CEP350: variants seen among roughly 807,000 people sequenced by gnomAD.
CEP350 encodes centrosome-associated protein 350.
Under a neutral mutation model 331.8 loss-of-function variants are expected in CEP350, and 126 were observed. The ratio of observed to expected loss-of-function variants is 0.38; its 90% CI spans 0.33 to 0.44. The LOEUF (loss-of-function observed/expected upper bound fraction) is 0.44, where lower values mean the gene tolerates loss of function less well. Ranked by LOEUF, CEP350 falls within the 20% of genes least tolerant of loss-of-function variation. The probability of loss-of-function intolerance (pLI) is 1.00; values close to 1 mark genes in which losing one functional copy is unlikely to be tolerated. For synonymous variants in CEP350, 1,200 were observed against 1,259.5 expected (o/e 0.95, Z 1.00); for missense variants, 3,406 against 3,634.6 (o/e 0.94, Z 1.62).
At chr1:179,960,440 C>G (rs529391829) in intron 1 of CEP350, among the ~76,000 whole-genome samples, 6 of 152,254 alleles carry the variant, frequency 3.9e-5, no homozygotes, top group African/African-American at 1.4e-4. Context: ...TACTGTGGAG[C>G]ACCATAGTAA....
At chr1:180,097,639 ACAAT>A (rs1230622929) in intron 36 of CEP350, among the ~76,000 whole-genome samples, 3 of 152,348 alleles carry the variant, frequency 2.0e-5, no homozygotes, top group East Asian at 1.9e-4. Context: ...ATATATACCA[ACAAT>A]CAAACTACAT....
intron 1 of CEP350, among the ~76,000 whole-genome samples, chr1:179,964,394 T>A (rs1421683721): frequency 1.3e-5 from 2 of 152,132 alleles, no homozygotes; most frequent in African/African-American, 4.8e-5. Flanking sequence ...GAGGGGATGC[T>A]TCTAACTTTT....
intron 1 of CEP350, among the ~76,000 whole-genome samples, chr1:179,957,367 A>G (rs1339486944): frequency 6.6e-6 from 1 of 152,180 alleles, no homozygotes; most frequent in Non-Finnish European, 1.5e-5. Flanking sequence ...AGTGTAAAAA[A>G]ATCATCAGAT....
At chr1:180,006,350 C>A in intron 7 of CEP350, 104 bp from the exon 8 acceptor site, 2 of 644,718 alleles carry the variant, frequency 3.1e-6, no homozygotes, top group Non-Finnish European at 5.6e-6. Context: ...TTTCTTTCTC[C>A]CTACCTGCAG....
intron 1 of CEP350, among the ~76,000 whole-genome samples, chr1:179,965,125 A>AT (rs1201096651): frequency 1.3e-5 from 2 of 152,014 alleles, no homozygotes; most frequent in Non-Finnish European, 2.9e-5. Flanking sequence ...GTTTCAAAGA[A>AT]TTTTTTTATT....
intron 36 of CEP350, among the ~76,000 whole-genome samples, chr1:180,097,816 G>A (rs1660565520): frequency 6.6e-6 from 1 of 152,090 alleles, no homozygotes; most frequent in Non-Finnish European, 1.5e-5. Flanking sequence ...GAGTTTTGGT[G>A]CTTCAAAATA....
chr1:179,956,806 C>T (rs1341412596), intron 1 of CEP350, among the ~76,000 whole-genome samples: 1 of 151,038 alleles, frequency 6.6e-6, no homozygotes, highest in Non-Finnish European at 1.5e-5. Context: ...ATTTTGCAGT[C>T]GTGGAAACTG....
chr1:180,012,438 A>AT (rs998298885), intron 9 of CEP350, among the ~76,000 whole-genome samples: 13 of 152,162 alleles, frequency 8.5e-5, no homozygotes, highest in East Asian at 7.7e-4. Flanking sequence ...ACAAGGTTGG[A>AT]TTTTTTTTAT....
chr1:180,060,913 T>G (rs1004534808), intron 25 of CEP350, among the ~76,000 whole-genome samples: 1 of 152,138 alleles, frequency 6.6e-6, no homozygotes, highest in Admixed American at 6.5e-5. Flanking sequence ...GCTGGAAGGA[T>G]AGATACCAAA....
At chr1:180,025,715 G>A (rs890273126) in intron 14 of CEP350, among the ~76,000 whole-genome samples, 1 of 152,036 alleles carries the variant, frequency 6.6e-6, no homozygotes, top group African/African-American at 2.4e-5. Flanking sequence ...ACATGGACAC[G>A]GGGAGGGGAT....
intron 16 of CEP350, among the ~76,000 whole-genome samples, chr1:180,034,458 G>C (rs1207186235): frequency 7.4e-6 from 1 of 135,008 alleles, no homozygotes; most frequent in African/African-American, 2.7e-5. Context: ...CACAGATACT[G>C]CGGGGTTTTT....
In CEP350 at chr1:180,112,938, A is replaced by G; in HGVS notation, c.*1777A>G. 6.6e-6 allele frequency: 1 copy of G among 152,632 alleles called. No individual in the cohort carries two copies. The highest frequency in any genetic ancestry group is 1.9e-4 in the East Asian group (1 of 5,204). 9.5% of individuals were successfully genotyped at this position (152,632 alleles called of 1,614,324 possible). On this transcript the variant is annotated 3_prime_UTR_variant, in exon 38 of 38. Transcript: ENST00000367607. ...TATGATAGCTCTTGACAAATAAGGA[A>G]AGCACTGAAATGTTGTGATTGGGTC... is the stretch of plus-strand genomic sequence containing the variant.
At chr1:180,049,544 T>A (rs1004869044) in intron 22 of CEP350, among the ~76,000 whole-genome samples, 3 of 51,568 alleles carry the variant, frequency 5.8e-5, no homozygotes, top group Admixed American at 2.8e-4. Flanking sequence ...TACTTACACC[T>A]TTTTTTTTTT....
chr1:180,022,709 A>C lies in CEP350; in HGVS notation c.3247A>C (p.Lys1083Gln). The C allele has an allele frequency of 6.2e-7, 1 of 1,612,102 alleles. No individual in the cohort carries two copies. The highest frequency in any genetic ancestry group is 1.6e-4 in the Middle Eastern group (1 of 6,062). Residue 1083 changes from lysine (K) to glutamine (Q), a missense_variant, in exon 13 of 38, where the codon AAG (lysine) becomes CAG (glutamine). By Grantham distance (53) the Lys-to-Gln change is moderately conservative. This residue lies in a region of CEP350 where 1,857 missense variants were observed against 1,909.2 expected (regional missense o/e 0.97). Coordinates refer to ENST00000367607, the MANE Select transcript of CEP350 (RefSeq NM_014810.5). ...YQLYGKGFED[K>Q]LDRGTSTSRP... ...ATTACTTTTGTCAGGGTTTGAAGAC[A>C]AGTTGGACAGAGGAACATCAACATC...
intron 37 of CEP350, among the ~76,000 whole-genome samples, chr1:180,100,989 C>G (rs1019761668): frequency 7.2e-5 from 11 of 152,128 alleles, no homozygotes; most frequent in African/African-American, 2.4e-4. Context: ...ATATCAGTAC[C>G]CTGACAGCAG....
chr1:180,031,262 ATCTC>A (rs111620257), intron 14 of CEP350, 54 bp from the exon 15 acceptor site: 1 of 985,060 alleles, frequency 1.0e-6, no homozygotes, highest in South Asian at 1.5e-5. Context: ...TATATCAATT[ATCTC>A]TCTCAATAAC....
chr1:180,043,987 A>G (rs1310047296), intron 20 of CEP350, 64 bp from the exon 21 acceptor site: 2 of 1,351,502 alleles, frequency 1.5e-6, no homozygotes, highest in South Asian at 1.5e-5. Flanking sequence ...CTATTAAGCA[A>G]TACTTAAAAT....
intron 27 of CEP350, among the ~76,000 whole-genome samples, chr1:180,071,146 C>CAAAAAAA (rs57487170): frequency 1.6e-5 from 1 of 63,246 alleles, no homozygotes; most frequent in African/African-American, 5.9e-5. Context: ...GACTCCATCT[C>CAAAAAAA]AAAAAAAAAA....
intron 9 of CEP350, among the ~76,000 whole-genome samples, chr1:180,013,070 A>G (rs1380979666): frequency 1.3e-5 from 2 of 152,206 alleles, no homozygotes; most frequent in African/African-American, 4.8e-5. Context: ...AAAAGGAATC[A>G]TTATATTCTT....
Sources: allele counts gnomAD v4.1 joint callset (sites outside exome capture counted in the v4.1 genomes callset), GRCh38; gene constraint gnomAD v4.1.1; regional missense constraint gnomAD v4.1.1; transcripts MANE v1.5; gene names NCBI Gene and HGNC (gene_info 2026-07-23, HGNC 2026-07-21).